Variants in KCNQ5 observed in about 807,000 individuals in gnomAD.
The protein encoded by KCNQ5 is potassium voltage-gated channel subfamily Q member 5.
Under a neutral mutation model 98.2 loss-of-function variants are expected in KCNQ5, and 30 were observed. The observed-to-expected ratio is 0.31, with a 90% confidence interval of 0.23 to 0.41. KCNQ5 has a LOEUF of 0.41. Ranked by LOEUF, KCNQ5 falls within the 10% of genes least tolerant of loss-of-function variation. KCNQ5 has a pLI of 1.00. For synonymous variants in KCNQ5, 458 were observed against 449.4 expected, an observed-to-expected ratio of 1.02 and a Z score of -0.24; for missense variants, 835 against 1,182.5, an observed-to-expected ratio of 0.71 and a Z score of 4.31.
At chr6:73,109,220 A>G (rs919658067) in intron 6 of KCNQ5, among the ~76,000 whole-genome samples, 3 of 152,238 alleles carry the variant, frequency 2.0e-5, no homozygotes, top group Admixed American at 1.3e-4. Flanking sequence ...AGCAATGCCA[A>G]TGTGATTTTC....
intron 10 of KCNQ5, among the ~76,000 whole-genome samples, chr6:73,141,235 C>T (rs1473272493): frequency 6.6e-6 from 1 of 152,184 alleles, no homozygotes; most frequent in Non-Finnish European, 1.5e-5. Context: ...TATGAGGGCA[C>T]TAATCCCATT....
At chr6:72,981,386 G>A (rs1768440121) in intron 1 of KCNQ5, among the ~76,000 whole-genome samples, 1 of 152,066 alleles carries the variant, frequency 6.6e-6, no homozygotes, top group Non-Finnish European at 1.5e-5. Flanking sequence ...TTTAGTCTTG[G>A]GAGGGTGTAT....
chr6:72,894,550 C>T (rs1174063925), intron 1 of KCNQ5, among the ~76,000 whole-genome samples: 1 of 152,162 alleles, frequency 6.6e-6, no homozygotes, highest in East Asian at 1.9e-4. Context: ...AGATCAAATA[C>T]TAAGAGGTGA....
rs529600541 is a variant in KCNQ5, at chr6:72,924,035, T to G, written c.399-79873T>G. On this transcript the variant is annotated intron_variant, in intron 1 of 13. Coordinates refer to ENST00000370398, the MANE Select transcript of KCNQ5 (RefSeq NM_019842.4). The stretch of plus-strand genomic sequence containing the variant: ...AGTTTACTAAATGAGAACATTTTGC[T>G]AATACTTTATGGGTTACATGAATAA... 5.3e-5 allele frequency among the ~76,000 whole-genome samples: 8 copies of G among 152,364 alleles called. No homozygotes were observed. The South Asian group carries it at 1.4e-3, about 28-fold the overall frequency.
At chr6:72,944,989 AT>A (rs1766469474) in intron 1 of KCNQ5, among the ~76,000 whole-genome samples, 1 of 151,846 alleles carries the variant, frequency 6.6e-6, no homozygotes, top group South Asian at 2.1e-4. Context: ...CCCTTAAGTT[AT>A]TTTTCTCTTG....
At chr6:73,013,538 C>T (rs1306543987) in intron 2 of KCNQ5, among the ~76,000 whole-genome samples, 1 of 151,990 alleles carries the variant, frequency 6.6e-6, no homozygotes, top group Non-Finnish European at 1.5e-5. Context: ...TTTTAAGTAC[C>T]CTTCATTTAT....
At chr6:72,886,714 C>G (rs1192872585) in intron 1 of KCNQ5, among the ~76,000 whole-genome samples, 1 of 152,108 alleles carries the variant, frequency 6.6e-6, no homozygotes, top group Non-Finnish European at 1.5e-5. Flanking sequence ...GACAATTAGA[C>G]TGACAATTCT....
intron 1 of KCNQ5, among the ~76,000 whole-genome samples, chr6:72,736,562 G>C (rs984320796): frequency 9.2e-5 from 13 of 140,722 alleles, no homozygotes; most frequent in African/African-American, 2.9e-4. Flanking sequence ...TGCAGTGGCG[G>C]GATCTCGGCT....
intron 1 of KCNQ5, among the ~76,000 whole-genome samples, chr6:72,672,664 T>TC (rs1767189643): frequency 6.6e-6 from 1 of 152,132 alleles, no homozygotes; most frequent in Non-Finnish European, 1.5e-5. Context: ...GGAAGCTTTA[T>TC]CCCCTGCCGT....
chr6:72,944,227 A>G (rs536590065), intron 1 of KCNQ5, among the ~76,000 whole-genome samples: 88 of 152,200 alleles, frequency 5.8e-4, no homozygotes, highest in Non-Finnish European at 6.5e-4. Context: ...TTAAATACTT[A>G]ACTTTCCACT....
intron 5 of KCNQ5, among the ~76,000 whole-genome samples, chr6:73,079,974 A>C (rs937172762): frequency 6.6e-6 from 1 of 152,220 alleles, no homozygotes; most frequent in African/African-American, 2.4e-5. Flanking sequence ...TGAGGCACCC[A>C]GGTGCCCCTT....
At chr6:72,811,385 C>T (rs1046757943) in intron 1 of KCNQ5, among the ~76,000 whole-genome samples, 5 of 152,138 alleles carry the variant, frequency 3.3e-5, no homozygotes, top group African/African-American at 1.2e-4. Context: ...TATGAAGGTT[C>T]ATTTGAATGT....
At chr6:73,176,049 T>A (rs1012901658) in intron 11 of KCNQ5, among the ~76,000 whole-genome samples, 4 of 151,756 alleles carry the variant, frequency 2.6e-5, no homozygotes, top group Non-Finnish European at 5.9e-5. Context: ...ATGAGGAGAG[T>A]AAGGCTGAAG....
At chr6:73,063,693 TA>T (rs67817186) in intron 3 of KCNQ5, among the ~76,000 whole-genome samples, 10,884 of 60,804 alleles carry the variant, frequency 0.18, 608 homozygotes, top group Non-Finnish European at 0.2. Context: ...AGATGATAGA[TA>T]GATAGATAGA....
intron 1 of KCNQ5, among the ~76,000 whole-genome samples, chr6:72,900,839 C>T (rs1037604830): frequency 6.6e-6 from 1 of 151,924 alleles, no homozygotes; most frequent in Non-Finnish European, 1.5e-5. Flanking sequence ...TTTTTATGGC[C>T]ATTCTTGCAG....
At chr6:72,632,398 C>T (rs983346439) in intron 1 of KCNQ5, among the ~76,000 whole-genome samples, 9 of 152,116 alleles carry the variant, frequency 5.9e-5, no homozygotes, top group Non-Finnish European at 1.2e-4. Context: ...GCCTCAGCCT[C>T]CCAAAGTGCT....
At chr6:73,070,016 A>G (rs1043023282) in intron 3 of KCNQ5, among the ~76,000 whole-genome samples, 1 of 152,156 alleles carries the variant, frequency 6.6e-6, no homozygotes, top group Non-Finnish European at 1.5e-5. Flanking sequence ...TAGATATGAA[A>G]CATACTATGG....
chr6:72,707,025 G>C (rs1769123845), intron 1 of KCNQ5, among the ~76,000 whole-genome samples: 1 of 152,024 alleles, frequency 6.6e-6, no homozygotes, highest in African/African-American at 2.4e-5. Flanking sequence ...AAGATGTTTA[G>C]CTAACATGAT....
At chr6:73,048,053 A>C (rs1387307353) in intron 3 of KCNQ5, among the ~76,000 whole-genome samples, 2 of 152,246 alleles carry the variant, frequency 1.3e-5, no homozygotes, top group Admixed American at 1.3e-4. Context: ...ATGGCACCAA[A>C]TGGGCAAGGT....
Sources: allele counts gnomAD v4.1 joint callset (sites outside exome capture counted in the v4.1 genomes callset), GRCh38; gene constraint gnomAD v4.1.1; transcripts MANE v1.5; gene names NCBI Gene and HGNC (gene_info 2026-07-23, HGNC 2026-07-21).